Variants in RBL1 observed in about 807,000 individuals in gnomAD.
The protein encoded by RBL1 is RB transcriptional corepressor like 1.
Under a neutral mutation model 123.0 loss-of-function variants are expected in RBL1, and 82 were observed. That is an observed-to-expected ratio of 0.67 (90% CI 0.56 to 0.80). The LOEUF (loss-of-function observed/expected upper bound fraction) is 0.80. RBL1 is among the 30% of genes least tolerant of loss of function. The pLI is 0.00. For missense variants in RBL1, 1,171 were observed against 1,299.6 expected, an observed-to-expected ratio of 0.90 and a Z score of 1.52; for synonymous variants, 405 against 441.3, an observed-to-expected ratio of 0.92 and a Z score of 1.03.
chr20:37,089,271 A>G (rs527308647), intron 1 of RBL1, 149 bp from the exon 2 acceptor site: 2 of 716,418 alleles, frequency 2.8e-6, no homozygotes, highest in East Asian at 6.2e-5. Flanking sequence ...CCAAGGTCAC[A>G]AAGCTGTTAG....
At chr20:37,077,651 A>C (rs1001917305) in intron 2 of RBL1, among the ~76,000 whole-genome samples, 4 of 152,088 alleles carry the variant, frequency 2.6e-5, no homozygotes, top group Non-Finnish European at 5.9e-5. Flanking sequence ...ATTTTTCTCT[A>C]TATATAGCTT....
chr20:37,005,108 T>C (rs571168461), intron 20 of RBL1, among the ~76,000 whole-genome samples: 15 of 151,718 alleles, frequency 9.9e-5, no homozygotes, highest in Non-Finnish European at 2.1e-4. Flanking sequence ...CTCATATTCA[T>C]GCTTAAAAAG....
intron 20 of RBL1, among the ~76,000 whole-genome samples, 176 bp downstream of exon 20, chr20:37,007,235 C>T (rs1340402648): frequency 1.3e-5 from 2 of 152,076 alleles, no homozygotes; most frequent in African/African-American, 2.4e-5. Flanking sequence ...GGCAACAGAT[C>T]CCATGATTTC....
chr20:37,061,062 T>C, intron 9 of RBL1, 41 bp downstream of exon 9: 1 of 1,482,164 alleles, frequency 6.7e-7, no homozygotes, highest in Non-Finnish European at 9.0e-7. Flanking sequence ...AGAAATCTAA[T>C]TTTAAAAAGA....
intron 19 of RBL1, among the ~76,000 whole-genome samples, chr20:37,011,554 C>T (rs1236730931): frequency 6.6e-6 from 1 of 151,568 alleles, no homozygotes; most frequent in African/African-American, 2.4e-5. Flanking sequence ...CTTGCCTCAG[C>T]CTCCGAAGTG....
At chr20:37,000,047 G>A (rs1260793759) in intron 21 of RBL1, among the ~76,000 whole-genome samples, 3 of 151,166 alleles carry the variant, frequency 2.0e-5, no homozygotes, top group Non-Finnish European at 2.9e-5. Flanking sequence ...AGGAAGTGAG[G>A]AGCGTCTCTG....
rs916557705 is a variant in RBL1, at chr20:36,996,482, C to T, written c.*2277G>A. The T allele has an allele frequency of 1.3e-5, 2 of 152,160 alleles. No individual in the cohort carries two copies. Among genetic ancestry groups the T allele is most frequent in the African/African-American group, 4.8e-5 (2 of 41,416 alleles). The allele number at this position is 152,160 out of a possible 1,614,324, so 9.4% of individuals were successfully genotyped here. A position where few individuals can be genotyped will look rare whatever the true frequency, so the allele number is the denominator to read the frequency against. The stretch of plus-strand genomic sequence containing the variant: ...CTGAGAAAGGGTCTTGCCCTCTCAC[C>T]TAGGATGGAGTGTAGTGGTGCAATC... On this transcript the variant is annotated 3_prime_UTR_variant, in exon 22 of 22. Transcript: ENST00000373664.
chr20:37,023,005 T>C (rs2064367572), intron 16 of RBL1, among the ~76,000 whole-genome samples, 179 bp from the exon 17 acceptor site: 1 of 152,192 alleles, frequency 6.6e-6, no homozygotes, highest in Non-Finnish European at 1.5e-5. Context: ...AAAGCAAAAC[T>C]ACTTGAAAAA....
At chr20:37,037,988 G>GTTTTTT (rs57647591) in intron 14 of RBL1, among the ~76,000 whole-genome samples, 4 of 83,580 alleles carry the variant, frequency 4.8e-5, no homozygotes, top group Non-Finnish European at 6.7e-5. Flanking sequence ...CCCGGCCATT[G>GTTTTTT]TTTTTTTTTT....
chr20:37,000,495 C>T (rs1342166016), intron 21 of RBL1, among the ~76,000 whole-genome samples: 12 of 144,154 alleles, frequency 8.3e-5, no homozygotes, highest in East Asian at 4.4e-4. Flanking sequence ...CCCGGCCAGC[C>T]GCCCCGTCCG....
intron 2 of RBL1, among the ~76,000 whole-genome samples, chr20:37,085,223 C>T (rs2065521875): frequency 6.6e-6 from 1 of 151,576 alleles, no homozygotes; most frequent in Non-Finnish European, 1.5e-5. Flanking sequence ...CCTTCGCCTC[C>T]CTGGGTTCAA....
intron 18 of RBL1, among the ~76,000 whole-genome samples, chr20:37,018,759 T>A (rs1190504028): frequency 2.6e-5 from 4 of 152,148 alleles, no homozygotes; most frequent in Non-Finnish European, 4.4e-5. Context: ...CAAGACCAGC[T>A]GGCCAACATG....
At chr20:37,020,165 C>T (rs934394948) in intron 18 of RBL1, among the ~76,000 whole-genome samples, 38 of 151,080 alleles carry the variant, frequency 2.5e-4, no homozygotes, top group African/African-American at 9.0e-4. Context: ...CTTGGCTCAC[C>T]GCAACCTCTG....
At chr20:37,054,849 C>A (rs2064977972) in intron 11 of RBL1, among the ~76,000 whole-genome samples, 2 of 151,920 alleles carry the variant, frequency 1.3e-5, no homozygotes, top group Non-Finnish European at 2.9e-5. Context: ...AAATTTACTT[C>A]TTTCTCAGGA....
At chr20:37,068,663 A>G (rs879617715) in intron 2 of RBL1, among the ~76,000 whole-genome samples, 1 of 152,156 alleles carries the variant, frequency 6.6e-6, no homozygotes, top group East Asian at 1.9e-4. Flanking sequence ...TACTTCCTTT[A>G]TTCTCTATAT....
intron 18 of RBL1, among the ~76,000 whole-genome samples, chr20:37,019,352 T>C (rs998727884): frequency 9.2e-5 from 14 of 152,196 alleles, no homozygotes; most frequent in African/African-American, 3.4e-4. Context: ...GCATGATCCA[T>C]TCCCCCTTGT....
intron 2 of RBL1, among the ~76,000 whole-genome samples, chr20:37,088,293 A>G (rs1011913013): frequency 3.3e-5 from 5 of 151,850 alleles, no homozygotes; most frequent in Admixed American, 3.3e-4. Flanking sequence ...AGAGAGAGAG[A>G]AAGATCTATA....
At chr20:37,017,635 T>A (rs2064278280) in intron 19 of RBL1, among the ~76,000 whole-genome samples, 2 of 151,340 alleles carry the variant, frequency 1.3e-5, no homozygotes, top group South Asian at 4.2e-4. Context: ...TGTGTGTGTG[T>A]GTGTGTGTGT....
intron 15 of RBL1, 92 bp downstream of exon 15, chr20:37,035,150 T>A: frequency 8.0e-7 from 1 of 1,246,900 alleles, no homozygotes; most frequent in Admixed American, 2.6e-5. Context: ...GAAAAAATAA[T>A]GAGTTAGAAA....
Sources: allele counts gnomAD v4.1 joint callset (sites outside exome capture counted in the v4.1 genomes callset), GRCh38; gene constraint gnomAD v4.1.1; transcripts MANE v1.5; gene names NCBI Gene and HGNC (gene_info 2026-07-23, HGNC 2026-07-21).